Variants in SPTBN1 observed in about 807,000 individuals in gnomAD.
SPTBN1 encodes spectrin beta chain, non-erythrocytic 1.
A neutral mutation model predicts 266.4 loss-of-function variants in SPTBN1; 32 were observed. That is an observed-to-expected ratio of 0.12 (90% CI 0.09 to 0.16). SPTBN1 has a LOEUF of 0.16. SPTBN1 is among the 10% of genes least tolerant of loss of function. The pLI, the probability that SPTBN1 is intolerant of heterozygous loss-of-function variation, is 1.00. For missense variants in SPTBN1, 2,296 were observed against 3,067.1 expected (o/e 0.75, Z 5.94); for synonymous variants, 1,336 against 1,162.2 (o/e 1.15, Z -3.04).
At chr2:54,661,736 A>G in intron 32 of SPTBN1, 2 of 985,338 alleles carry the variant, frequency 2.0e-6, no homozygotes, top group Non-Finnish European at 2.4e-6. Context: ...TGATGTTTTC[A>G]TATATATATG....
In SPTBN1 at chr2:54,628,097, G is replaced by T. The variant is rs1283667641; in HGVS notation, c.1645G>T (p.Val549Leu). 2 of 1,610,466 alleles carry T rather than the reference G, an allele frequency of 1.2e-6. No individual in the cohort carries two copies. Among genetic ancestry groups the T allele is most frequent in the Non-Finnish European group, 1.7e-6 (2 of 1,178,236 alleles). The change falls in exon 13 of 36, where the codon GTG becomes TTG. Residue 549 changes from valine to leucine, a missense_variant and splice_region_variant. Transcript: ENST00000356805. The surrounding 1 kb of genome is among the most constrained non-coding windows in gnomAD (Gnocchi z 4.3). ...YIMDWMDEMK[V>L]LVLSQDYGKH... Reference sequence around the variant, plus strand: ...CCTTTTGGTTGCTTCTTGTGCACAGGTGCTAGTATTGTCTCAAGACTATGG... The same window carrying T: ...CCTTTTGGTTGCTTCTTGTGCACAGTTGCTAGTATTGTCTCAAGACTATGG...
Position 54,645,072 on chromosome 2 carries a change from A to G in SPTBN1, c.4270-157A>G, listed in dbSNP as rs947226386. On this transcript the variant is annotated intron_variant, in intron 20 of 35. Coordinates refer to ENST00000356805, the MANE Select transcript of SPTBN1 (RefSeq NM_003128.3). The surrounding 1 kb of genome is among the most constrained non-coding windows in gnomAD (Gnocchi z 4.3). Reference sequence around the variant, plus strand: ...CTCAGATTTACTTGAAAACAGTTCCATTGATGTTGAAAAGCAAGTCAGTGG... The same window carrying G: ...CTCAGATTTACTTGAAAACAGTTCCGTTGATGTTGAAAAGCAAGTCAGTGG... 4 of 669,218 alleles carry G rather than the reference A, an allele frequency of 6.0e-6. No homozygotes were observed. Among genetic ancestry groups the G allele is most frequent in the African/African-American group, 1.8e-5 (1 of 55,306 alleles). The allele number at this position is 669,218 out of a possible 1,614,324, so 41.5% of individuals were successfully genotyped here.
chr2:54,535,331 A>G (rs1196401640), intron 2 of SPTBN1, among the ~76,000 whole-genome samples: 1 of 152,188 alleles, frequency 6.6e-6, no homozygotes, highest in African/African-American at 2.4e-5. Context: ...TTATGTGACA[A>G]TTACCACTAA....
intron 4 of SPTBN1, among the ~76,000 whole-genome samples, chr2:54,615,430 G>T (rs1677536133): frequency 1.3e-5 from 2 of 152,326 alleles, no homozygotes; most frequent in Non-Finnish European, 2.9e-5. Flanking sequence ...ATAGACAAAA[G>T]TGTATTTGGA....
At position 54,628,178 on chromosome 2, in the gene SPTBN1, G is replaced by C. The variant is rs1210303097; in HGVS notation, c.1726G>C (p.Asp576His). Residue 576 changes from aspartate (D) to histidine (H), a missense_variant, in exon 13 of 36, where the codon GAC becomes CAC. Coordinates refer to ENST00000356805, the MANE Select transcript of SPTBN1 (RefSeq NM_003128.3). This position sits in a 1 kb window ranked among gnomAD's most constrained non-coding sequence, Gnocchi z 4.3. ...ACAGAAGCACACCCTGGTTGAAGCA[G>C]ACATTGGCATCCAGGCAGAGCGGGT... Reference protein sequence around the residue: ...LLQKHTLVEADIGIQAERVRG... With the variant: ...LLQKHTLVEAHIGIQAERVRG... The C allele has an allele frequency of 6.2e-7, 1 of 1,614,116 alleles. No homozygotes were observed. Among genetic ancestry groups the C allele is most frequent in the African/African-American group, 1.3e-5 (1 of 75,034 alleles).
At position 54,644,392 on chromosome 2, in the gene SPTBN1, C is replaced by T. The variant is rs1679787767; in HGVS notation, c.4075C>T (p.His1359Tyr). ...AVVKEKLTGL[H>Y]KMWEVLESTT... ...GGTGAAGGAGAAACTCACTGGTTTA[C>T]ATAAAATGTGGGAAGTCCTTGAATC... The change falls in exon 20 of 36, where the codon CAT (histidine) becomes TAT (tyrosine). Residue 1359 changes from histidine (H) to tyrosine (Y), a missense_variant. By Grantham distance (83) the His-to-Tyr change is moderately conservative. Transcript: ENST00000356805. 3.1e-6 allele frequency: 5 copies of T among 1,614,202 alleles called. No individual in the cohort carries two copies. The African/African-American group carries it at 6.7e-5, about 22-fold the overall frequency.
intron 11 of SPTBN1, among the ~76,000 whole-genome samples, chr2:54,625,594 T>G (rs917811872): frequency 5.3e-5 from 8 of 152,048 alleles, no homozygotes; most frequent in African/African-American, 1.9e-4. Context: ...TGGTTTTGTT[T>G]TTGTTTTGTT....
At chr2:54,551,680 T>C (rs1305513458) in intron 2 of SPTBN1, among the ~76,000 whole-genome samples, 1 of 152,190 alleles carries the variant, frequency 6.6e-6, no homozygotes, top group Non-Finnish European at 1.5e-5. Flanking sequence ...TTTGCCCTGT[T>C]ATTTCAGATT....
chr2:54,585,010 AAGAGATTTAC>A (rs1374209360), intron 2 of SPTBN1, among the ~76,000 whole-genome samples: 3 of 152,196 alleles, frequency 2.0e-5, no homozygotes, highest in Non-Finnish European at 2.9e-5. Context: ...GTTTTATGGG[AAGAGATTTAC>A]ATTTAAGTTT....
Position 54,529,345 on chromosome 2 carries a change from GAT to G in SPTBN1, c.148+2780_148+2781del, listed in dbSNP as rs1573346308. On this transcript the variant is annotated intron_variant, in intron 2 of 35. Coordinates refer to ENST00000356805, the MANE Select transcript of SPTBN1 (RefSeq NM_003128.3). ...GATACACTTGAGACCCTTTTCAGAA[GAT>G]GGCACCGAAAGTGAAGAAGGAAGCT... 5.1e-6 allele frequency: 3 copies of G among 590,792 alleles called. No homozygotes were observed. The East Asian group carries it at 9.9e-5, about 20-fold the overall frequency. The allele number at this position is 590,792 out of a possible 1,614,324, so 36.6% of individuals were successfully genotyped here. A position where few individuals can be genotyped will look rare whatever the true frequency, so the allele number is the denominator to read the frequency against.
rs771653211 is a variant in SPTBN1, at chr2:54,631,359, C to T, written c.3312C>T (p.His1104=). ...AGGCTGAGAAGCTGCTCACGCAGCA[C>T]GAGAACATCAAGAACGAGATCGACA... The part of the protein sequence containing the change: ...LTEAEKLLTQ[H]ENIKNEIDNY... Residue 1104 remains histidine, a synonymous_variant, in exon 16 of 36, where the codon CAC becomes CAT. Transcript: ENST00000356805. The T allele has an allele frequency of 1.9e-6, 3 of 1,614,180 alleles. No individual in the cohort carries two copies. The highest frequency in any genetic ancestry group is 2.5e-6 in the Non-Finnish European group (3 of 1,180,030).
intron 2 of SPTBN1, among the ~76,000 whole-genome samples, chr2:54,577,504 C>A (rs960794739): frequency 6.6e-6 from 1 of 152,196 alleles, no homozygotes; most frequent in Admixed American, 6.5e-5. Context: ...AAGTAGGTCC[C>A]TACCTAAAGT....
chr2:54,620,204 G>T lies in SPTBN1; in HGVS notation c.764-1196G>T, dbSNP rs186196904. On this transcript the variant is annotated intron_variant, in intron 7 of 35. Transcript: ENST00000356805. ...GCCCGGACAGGCTTCTGCCCTTGGG[G>T]ACTGAATTTTGTAAGGCAAACAAAA... Among the ~76,000 whole-genome samples the T allele has an allele frequency of 4.5e-3, 685 of 152,314 alleles. 9 individuals carry two copies. Among genetic ancestry groups the T allele is most frequent in the African/African-American group, 0.016 (656 of 41,556 alleles).
chr2:54,525,461 C>T (rs1383211454), intron 1 of SPTBN1, among the ~76,000 whole-genome samples: 3 of 151,968 alleles, frequency 2.0e-5, no homozygotes, highest in South Asian at 2.1e-4. Context: ...CTGGAACTCC[C>T]GACCTCAGGT....
intron 2 of SPTBN1, among the ~76,000 whole-genome samples, chr2:54,531,770 C>T (rs1671255811): frequency 6.6e-6 from 1 of 151,972 alleles, no homozygotes; most frequent in Non-Finnish European, 1.5e-5. Flanking sequence ...ATATCTGCGT[C>T]ACTCATCGCC....
intron 34 of SPTBN1, among the ~76,000 whole-genome samples, chr2:54,666,827 G>A (rs569759127): frequency 1.3e-5 from 2 of 152,350 alleles, no homozygotes; most frequent in Non-Finnish European, 2.9e-5. Context: ...CTAGGCCCAG[G>A]GCTCCAGAGG....
chr2:54,631,070 T>C lies in SPTBN1; in HGVS notation c.3023T>C (p.Ile1008Thr). ...GGCATGGAGCGGGACTTGGTGGCCA[T>C]TGAGGCAAAGCTGAGTGACCTGCAG... ...LTGMERDLVAIEAKLSDLQKE... is the reference protein window; with the variant it reads ...LTGMERDLVATEAKLSDLQKE... Residue 1008 changes from isoleucine (I) to threonine (T), a missense_variant, in exon 16 of 36, where the codon ATT becomes ACT. This residue lies in a region of SPTBN1 where 128 missense variants were observed against 176.5 expected (regional missense o/e 0.73). Transcript: ENST00000356805. The C allele has an allele frequency of 5.6e-6, 9 of 1,613,942 alleles. No homozygotes were observed. The highest frequency in any genetic ancestry group is 1.7e-4 in the Middle Eastern group (1 of 6,060).
intron 2 of SPTBN1, among the ~76,000 whole-genome samples, chr2:54,598,146 G>C (rs1013860173): frequency 2.0e-5 from 3 of 152,082 alleles, no homozygotes; most frequent in Admixed American, 1.3e-4. Flanking sequence ...GGCCAGTTCT[G>C]GGCAAATATG....
At chr2:54,659,526 G>A (rs1223695276) in intron 31 of SPTBN1, among the ~76,000 whole-genome samples, 1 of 152,164 alleles carries the variant, frequency 6.6e-6, no homozygotes, top group Non-Finnish European at 1.5e-5. Context: ...CACACACACA[G>A]GATGCTCAGA....
Sources: gnomAD v4.1 joint callset for allele counts (sites outside exome capture counted in the v4.1 genomes callset) on GRCh38, gnomAD v4.1.1 for gene constraint, gnomAD v4.1.1 regional missense constraint, Gnocchi (gnomAD v3.1) non-coding constraint, MANE v1.5 for transcripts, NCBI Gene and HGNC (gene_info 2026-07-23, HGNC 2026-07-21) for gene names.